Variants in DOCK1 observed in about 807,000 individuals in gnomAD.
The protein encoded by DOCK1 is dedicator of cytokinesis 1.
In DOCK1, 138 loss-of-function variants were observed where a neutral mutation model predicts 262.7. That is an observed-to-expected ratio of 0.53 (90% CI 0.46 to 0.61). The LOEUF is 0.61. Ranked by LOEUF, DOCK1 falls within the 20% of genes least tolerant of loss-of-function variation. The probability of loss-of-function intolerance (pLI) is 0.00; values close to 1 mark genes in which losing one functional copy is unlikely to be tolerated. For missense variants in DOCK1, 1,908 were observed against 2,370.7 expected, an observed-to-expected ratio of 0.80 and a Z score of 4.05; for synonymous variants, 866 against 867.4, an observed-to-expected ratio of 1.00 and a Z score of 0.03.
Position 127,452,234 on chromosome 10 carries a change from G to C in DOCK1, c.*807G>C, listed in dbSNP as rs1468669743. On this transcript the variant is annotated 3_prime_UTR_variant, in exon 52 of 52. Coordinates refer to ENST00000623213, the MANE Select transcript of DOCK1 (RefSeq NM_001290223.2). ...TTGTTTTAATTTTTGTGGTCCTTCCGTTTATTATAATAGGCGTCCACCAAT... is the reference window on the plus strand; with the variant it reads ...TTGTTTTAATTTTTGTGGTCCTTCCCTTTATTATAATAGGCGTCCACCAAT... The C allele has an allele frequency of 6.6e-6, 1 of 152,120 alleles. No homozygotes were observed. Among genetic ancestry groups the C allele is most frequent in the East Asian group, 1.9e-4 (1 of 5,180 alleles). The allele number at this position is 152,120 out of a possible 1,614,324, so 9.4% of individuals were successfully genotyped here.
At chr10:126,999,468 G>A in intron 9 of DOCK1, 33 bp downstream of exon 9, 1 of 1,580,606 alleles carries the variant, frequency 6.3e-7, no homozygotes. Flanking sequence ...AGTTGAATTG[G>A]CTACCATTCT....
chr10:127,189,579 A>G (rs548852048), intron 27 of DOCK1, among the ~76,000 whole-genome samples: 16 of 152,266 alleles, frequency 1.1e-4, no homozygotes, highest in Non-Finnish European at 2.4e-4. Context: ...AAATGAGGAT[A>G]TGAATGACTT....
chr10:127,020,313 C>G (rs2042320323), intron 13 of DOCK1, among the ~76,000 whole-genome samples: 1 of 152,092 alleles, frequency 6.6e-6, no homozygotes, highest in African/African-American at 2.4e-5. Flanking sequence ...TCTTGGCATC[C>G]TTAGGATGTC....
intron 27 of DOCK1, among the ~76,000 whole-genome samples, chr10:127,148,453 G>C (rs2052138954): frequency 6.6e-6 from 1 of 152,168 alleles, no homozygotes; most frequent in Admixed American, 6.5e-5. Flanking sequence ...AAAAGCCCTT[G>C]GATTGCAGTT....
chr10:127,126,032 C>T (rs1411622941), intron 26 of DOCK1, among the ~76,000 whole-genome samples: 2 of 151,724 alleles, frequency 1.3e-5, no homozygotes, highest in Non-Finnish European at 2.9e-5. Flanking sequence ...TTTTCCTCCC[C>T]TCAGGCTCTC....
At chr10:126,910,827 A>G (rs900088743) in intron 1 of DOCK1, among the ~76,000 whole-genome samples, 2 of 152,048 alleles carry the variant, frequency 1.3e-5, no homozygotes, top group African/African-American at 4.8e-5. Flanking sequence ...GTGAAATTGC[A>G]TAGGAGGTAA....
chr10:127,102,179 G>A lies in DOCK1; in HGVS notation c.2446-4052G>A, dbSNP rs544644414. Reference sequence around the variant, plus strand: ...ATTTTTGGTGAAGTTGAAGTGTGGCGGTTTTGCAAAATTAGCTTTGGGGCT... The same window carrying A: ...ATTTTTGGTGAAGTTGAAGTGTGGCAGTTTTGCAAAATTAGCTTTGGGGCT... On this transcript the variant is annotated intron_variant, in intron 23 of 51. Transcript: ENST00000623213. Among the ~76,000 whole-genome samples, 10 of 152,172 alleles carry A rather than the reference G, an allele frequency of 6.6e-5. No homozygotes were observed. The South Asian group carries it at 2.1e-3, about 32-fold the overall frequency.
chr10:127,119,279 C>T (rs1291852647), intron 25 of DOCK1, among the ~76,000 whole-genome samples: 1 of 152,192 alleles, frequency 6.6e-6, no homozygotes, highest in Non-Finnish European at 1.5e-5. Flanking sequence ...TATCTCCTGA[C>T]CTCATGGTCC....
intron 31 of DOCK1, chr10:127,344,371 C>T (rs180898367): frequency 1.4e-4 from 21 of 152,352 alleles, no homozygotes; most frequent in African/African-American, 5.1e-4. Flanking sequence ...TTTCCTTCCC[C>T]TGTTTGGACA....
At position 127,365,043 on chromosome 10, in the gene DOCK1, G is replaced by C. The variant is rs181243691; in HGVS notation, c.3432+2831G>C. Among the ~76,000 whole-genome samples the C allele has an allele frequency of 2.1e-3, 291 of 136,512 alleles. 1 individual carries two copies. The highest frequency in any genetic ancestry group is 6.9e-3 in the African/African-American group (269 of 39,076). 89.6% of individuals were successfully genotyped at this position (136,512 alleles called of 152,430 possible). A position where few individuals can be genotyped will look rare whatever the true frequency, so the allele number is the denominator to read the frequency against. On this transcript the variant is annotated intron_variant, in intron 33 of 51. Transcript: ENST00000623213. The stretch of plus-strand genomic sequence containing the variant: ...TACAACATTGTAAATATTATACCTA[G>C]ATTTTTTTTATTAATGTTCTTTCTG...
At chr10:126,951,967 G>A (rs982795651) in intron 1 of DOCK1, among the ~76,000 whole-genome samples, 24 of 151,016 alleles carry the variant, frequency 1.6e-4, no homozygotes, top group Admixed American at 2.6e-4. Context: ...TTCCTGCCTC[G>A]GACTCCTGAG....
intron 22 of DOCK1, 85 bp downstream of exon 22, chr10:127,052,900 C>G: frequency 6.6e-7 from 1 of 1,519,730 alleles, no homozygotes; most frequent in Non-Finnish European, 8.9e-7. Context: ...CTCTCGTCCC[C>G]TTATTCTTTC....
intron 29 of DOCK1, among the ~76,000 whole-genome samples, chr10:127,293,453 G>T (rs2061410026): frequency 6.6e-6 from 1 of 152,234 alleles, no homozygotes; most frequent in African/African-American, 2.4e-5. Flanking sequence ...ACCGGGTTTT[G>T]TGTGTCACTT....
chr10:127,303,070 A>T (rs1259150611), intron 29 of DOCK1, among the ~76,000 whole-genome samples: 1 of 152,210 alleles, frequency 6.6e-6, no homozygotes, highest in Non-Finnish European at 1.5e-5. Flanking sequence ...GGTTAGCAGG[A>T]TAAAGAAGAT....
At chr10:127,091,594 G>A (rs2000062) in intron 23 of DOCK1, among the ~76,000 whole-genome samples, 27,922 of 152,188 alleles carry the variant, frequency 0.18, 3,142 homozygotes, top group South Asian at 0.35. Context: ...AGGAGAGAGC[G>A]TTGTTTAGAG....
At chr10:127,357,994 G>T (rs970193860) in intron 32 of DOCK1, among the ~76,000 whole-genome samples, 60 of 147,790 alleles carry the variant, frequency 4.1e-4, no homozygotes, top group African/African-American at 1.3e-3. Flanking sequence ...TTTCTACATA[G>T]TTTTTTTTTT....
intron 27 of DOCK1, among the ~76,000 whole-genome samples, chr10:127,130,779 C>T (rs192766207): frequency 1.3e-5 from 2 of 152,298 alleles, no homozygotes; most frequent in Admixed American, 6.5e-5. Context: ...CCACAGCTAG[C>T]ATGGCAGCAC....
intron 38 of DOCK1, among the ~76,000 whole-genome samples, chr10:127,388,621 C>T (rs775043069): frequency 1.4e-4 from 22 of 152,226 alleles, no homozygotes; most frequent in Non-Finnish European, 2.5e-4. Flanking sequence ...GTGTGTTTCT[C>T]ACACATGCTC....
chr10:127,042,246 GC>G (rs767701415), intron 19 of DOCK1, among the ~76,000 whole-genome samples: 4 of 152,234 alleles, frequency 2.6e-5, no homozygotes, highest in East Asian at 3.9e-4. Flanking sequence ...TGTGGCTTCT[GC>G]CCATTCACTA....
Sources: gnomAD v4.1 joint callset for allele counts (sites outside exome capture counted in the v4.1 genomes callset) on GRCh38, gnomAD v4.1.1 for gene constraint, MANE v1.5 for transcripts, NCBI Gene and HGNC (gene_info 2026-07-23, HGNC 2026-07-21) for gene names.